Variants in BRD10 observed in about 807,000 individuals in gnomAD.
The protein encoded by BRD10 is uncharacterized bromodomain-containing protein 10.
chr9:5,943,034 C>T, the BRD10 span, among the ~76,000 whole-genome samples: 2 of 152,178 alleles, frequency 1.3e-5, no homozygotes, highest in Admixed American at 6.5e-5. Flanking sequence ...TGCACCACCA[C>T]GCTGAGCTAA....
chr9:5,988,440 C>T, the BRD10 span: 18 of 1,613,882 alleles, frequency 1.1e-5, no homozygotes, highest in Admixed American at 1.7e-4. Context: ...CCAAACTTCG[C>T]GGTGTTGACC....
At chr9:5,944,817 G>A in the BRD10 span, 4 of 795,528 alleles carry the variant, frequency 5.0e-6, no homozygotes, top group East Asian at 3.1e-5. Context: ...GGAAAAAGCA[G>A]GAATAAATTT....
chr9:5,935,593 G>A, the BRD10 span, among the ~76,000 whole-genome samples: 1 of 152,146 alleles, frequency 6.6e-6, no homozygotes, highest in Non-Finnish European at 1.5e-5. Context: ...ACAAACTGAT[G>A]ATATTTTAAC....
the BRD10 span, among the ~76,000 whole-genome samples, chr9:5,894,009 G>A: frequency 1.3e-5 from 2 of 151,624 alleles, no homozygotes; most frequent in Non-Finnish European, 2.9e-5. The surrounding 1 kb of genome is among the most constrained non-coding windows in gnomAD (Gnocchi z 4.0). Context: ...CAGACATGGT[G>A]GCGCTGGGAT....
chr9:5,925,824 C>T, the BRD10 span, among the ~76,000 whole-genome samples: 32 of 152,200 alleles, frequency 2.1e-4, no homozygotes, highest in African/African-American at 7.7e-4. Context: ...CTTCATTATT[C>T]CTTTTGTTTT....
At chr9:5,882,968 T>C in the BRD10 span, among the ~76,000 whole-genome samples, 1,335 of 152,012 alleles carry the variant, frequency 8.8e-3, 22 homozygotes, top group African/African-American at 0.031. Context: ...ATGAGAACAC[T>C]TGGACACAGG....
At chr9:5,907,009 A>T in the BRD10 span, 1 of 1,536,206 alleles carries the variant, frequency 6.5e-7, no homozygotes, top group Non-Finnish European at 8.8e-7. Flanking sequence ...GTAGGTTAAG[A>T]TCCTTCATAA....
chr9:5,897,493 T>C, the BRD10 span: 2 of 1,427,196 alleles, frequency 1.4e-6, no homozygotes, highest in Non-Finnish European at 2.0e-6. Context: ...GACTGATTTA[T>C]GCTTCATCAT....
the BRD10 span, among the ~76,000 whole-genome samples, chr9:5,991,380 C>T: frequency 6.6e-6 from 1 of 152,108 alleles, no homozygotes; most frequent in East Asian, 1.9e-4. Context: ...GGCTTCTGCT[C>T]TGATATTCCT....
the BRD10 span, among the ~76,000 whole-genome samples, chr9:5,890,082 A>G: frequency 6.6e-5 from 10 of 152,148 alleles, no homozygotes; most frequent in Admixed American, 3.9e-4. Context: ...CTGTGCCTAA[A>G]GACTCTTCAA....
chr9:5,934,997 T>C, the BRD10 span, among the ~76,000 whole-genome samples: 4 of 152,316 alleles, frequency 2.6e-5, no homozygotes, highest in East Asian at 7.7e-4. Context: ...ACTACCACCA[T>C]ACTAACATAT....
chr9:5,991,232 A>AT, the BRD10 span, among the ~76,000 whole-genome samples: 2 of 152,042 alleles, frequency 1.3e-5, no homozygotes, highest in Non-Finnish European at 2.9e-5. Flanking sequence ...ACTAGATGCC[A>AT]TATGTGTATT....
the BRD10 span, among the ~76,000 whole-genome samples, chr9:5,954,840 C>T: frequency 3.9e-5 from 6 of 152,182 alleles, no homozygotes; most frequent in East Asian, 1.9e-4. Flanking sequence ...CCTGTAATCC[C>T]AGCACTTTGG....
the BRD10 span, among the ~76,000 whole-genome samples, chr9:5,914,409 G>GTTTTTTTTTTTTTTTTTT: frequency 9.4e-6 from 1 of 106,924 alleles, no homozygotes; most frequent in Non-Finnish European, 1.8e-5. Context: ...AAATCCAGAT[G>GTTTTTTTTTTTTTTTTTT]GTTTTTTTTT....
chr9:5,886,750 A>C, the BRD10 span, among the ~76,000 whole-genome samples: 6 of 152,204 alleles, frequency 3.9e-5, no homozygotes, highest in African/African-American at 1.4e-4. Flanking sequence ...CTAAGAGCCT[A>C]GTTAGAGGGA....
chr9:6,007,502 C>A, the BRD10 span: 1 of 1,612,750 alleles, frequency 6.2e-7, no homozygotes, highest in Non-Finnish European at 8.5e-7. Context: ...GCGGTGAGGC[C>A]CCGGTGCTTC....
chr9:5,969,130 C>G, the BRD10 span: 36 of 1,613,696 alleles, frequency 2.2e-5, no homozygotes, highest in South Asian at 2.2e-5. Context: ...CTTCCCAGGT[C>G]CTATAAGGCA....
chr9:5,922,417 T>TA, the BRD10 span: 1 of 1,614,036 alleles, frequency 6.2e-7, no homozygotes, highest in Non-Finnish European at 8.5e-7. Context: ...ATAAGTTACT[T>TA]ACAGAGGTTA....
At chr9:5,946,467 G>A in the BRD10 span, among the ~76,000 whole-genome samples, 1 of 152,066 alleles carries the variant, frequency 6.6e-6, no homozygotes, top group East Asian at 1.9e-4. Context: ...CAGGTAAGTG[G>A]GTCTAGAACT....
Sources: gnomAD v4.1 joint callset for allele counts (sites outside exome capture counted in the v4.1 genomes callset) on GRCh38, gnomAD v4.1.1 for gene constraint, Gnocchi (gnomAD v3.1) non-coding constraint, MANE v1.5 for transcripts, NCBI Gene and HGNC (gene_info 2026-07-23, HGNC 2026-07-21) for gene names.